Variants in ZMYM4 observed in about 807,000 individuals in gnomAD.
The protein encoded by ZMYM4 is zinc finger MYM-type protein 4.
Under a neutral mutation model 183.2 loss-of-function variants are expected in ZMYM4, and 31 were observed. The ratio of observed to expected loss-of-function variants is 0.17; its 90% CI spans 0.13 to 0.23. The LOEUF (loss-of-function observed/expected upper bound fraction) is 0.23, where lower values mean the gene tolerates loss of function less well. ZMYM4 is among the 10% of genes least tolerant of loss of function. The pLI is 1.00. For synonymous variants in ZMYM4, 592 were observed against 631.2 expected (o/e 0.94, Z 0.93); for missense variants, 1,273 against 1,840.3 (o/e 0.69, Z 5.64).
At chr1:35,358,891 T>C in intron 2 of ZMYM4, 34 bp from the exon 3 acceptor site, 1 of 1,571,274 alleles carries the variant, frequency 6.4e-7, no homozygotes, top group Non-Finnish European at 8.7e-7. Context: ...TCTTTAGCAC[T>C]ATCATTTGTC....
intron 5 of ZMYM4, among the ~76,000 whole-genome samples, chr1:35,366,596 T>C (rs1644085764): frequency 4.6e-5 from 7 of 152,154 alleles, no homozygotes; most frequent in Admixed American, 4.6e-4. Flanking sequence ...TTAGATGATA[T>C]AATGAAAAAG....
Position 35,389,907 on chromosome 1 carries a change from A to ATAATTTGTTTCTTACTCCTTGACTT in ZMYM4, c.2437-17_2437-16insTTAATTTGTTTCTTACTCCTTGACT. 6.3e-7 allele frequency: 1 copy of ATAATTTGTTTCTTACTCCTTGACTT among 1,577,096 alleles called. No individual in the cohort carries two copies. Among genetic ancestry groups the ATAATTTGTTTCTTACTCCTTGACTT allele is most frequent in the East Asian group, 2.3e-5 (1 of 44,256 alleles). ...TTATTTTTATTTTGTCAGACCACAG[A>ATAATTTGTTTCTTACTCCTTGACTT]TAATTTGTTTCTTACTCCTTGACTA... On this transcript the variant is annotated intron_variant, in intron 14 of 29. Coordinates refer to ENST00000314607, the MANE Select transcript of ZMYM4 (RefSeq NM_005095.3). This position sits in a 1 kb window ranked among gnomAD's most constrained non-coding sequence, Gnocchi z 4.0.
intron 2 of ZMYM4, among the ~76,000 whole-genome samples, chr1:35,332,738 C>A (rs1642808360): frequency 6.6e-6 from 1 of 151,960 alleles, no homozygotes; most frequent in Non-Finnish European, 1.5e-5. Flanking sequence ...ATCCTGTCAC[C>A]CAGGCTGTAG....
chr1:35,387,824 A>G (rs142344024), intron 13 of ZMYM4, among the ~76,000 whole-genome samples: 1 of 152,374 alleles, frequency 6.6e-6, no homozygotes, highest in Non-Finnish European at 1.5e-5. Flanking sequence ...AGTATAATGC[A>G]GAAGAAGATG....
chr1:35,353,360 G>A (rs930205571), intron 2 of ZMYM4, among the ~76,000 whole-genome samples: 26 of 152,258 alleles, frequency 1.7e-4, no homozygotes, highest in African/African-American at 6.0e-4. Flanking sequence ...TATGATCCTT[G>A]TAAAACATAA....
At position 35,359,331 on chromosome 1, in the gene ZMYM4, G is replaced by T. The variant is rs536720693; in HGVS notation, c.492G>T (p.Glu164Asp). 2 of 1,610,970 alleles carry T rather than the reference G, an allele frequency of 1.2e-6. No homozygotes were observed. Among genetic ancestry groups the T allele is most frequent in the Admixed American group, 3.4e-5 (2 of 59,456 alleles). Residue 164 changes from glutamate (E) to aspartate (D), a missense_variant, in exon 3 of 30, where the codon GAG (glutamate) becomes GAT (aspartate). Transcript: ENST00000314607. Reference protein sequence around the residue: ...DFSLVRENSKETFSGKEKNRD... With the variant: ...DFSLVRENSKDTFSGKEKNRD... ...GTCTAGTAAGAGAAAACAGCAAAGA[G>T]ACATTTTCTGGAAAGGAGAAAAATA...
chr1:35,298,114 C>G (rs1641106035), intron 1 of ZMYM4, among the ~76,000 whole-genome samples: 1 of 152,176 alleles, frequency 6.6e-6, no homozygotes, highest in Non-Finnish European at 1.5e-5. Context: ...AGATTCAGAT[C>G]TTGTTGGAGA....
intron 2 of ZMYM4, among the ~76,000 whole-genome samples, chr1:35,335,298 GCGAT>G (rs1642925452): frequency 6.6e-6 from 1 of 151,140 alleles, no homozygotes; most frequent in African/African-American, 2.4e-5. Context: ...GTGCAGTGAC[GCGAT>G]CTCGGCTCAC....
chr1:35,388,358 C>G (rs1644626970), intron 13 of ZMYM4, among the ~76,000 whole-genome samples: 1 of 152,134 alleles, frequency 6.6e-6, no homozygotes, highest in African/African-American at 2.4e-5. Context: ...GCACCCGCCA[C>G]CACACCTGGC....
chr1:35,349,693 G>C (rs1643526630), intron 2 of ZMYM4, among the ~76,000 whole-genome samples: 1 of 151,730 alleles, frequency 6.6e-6, no homozygotes, highest in Non-Finnish European at 1.5e-5. Context: ...AGCCAGGCGT[G>C]GTGGTGGGCA....
At chr1:35,408,462 G>T (rs967711587) in intron 26 of ZMYM4, among the ~76,000 whole-genome samples, 7 of 152,160 alleles carry the variant, frequency 4.6e-5, no homozygotes, top group Non-Finnish European at 8.8e-5. Context: ...GCAGGGCCAG[G>T]TGTGGTGGCT....
intron 1 of ZMYM4, among the ~76,000 whole-genome samples, chr1:35,311,249 GTC>G (rs1557973815): frequency 2.0e-5 from 3 of 151,790 alleles, no homozygotes; most frequent in African/African-American, 7.3e-5. Flanking sequence ...GTGAAACCCC[GTC>G]TCTACTAAAA....
rs1570444912 is a variant in ZMYM4 at position 35,365,209 on chromosome 1, A to T, written c.840+3420A>T. 2.6e-5 allele frequency among the ~76,000 whole-genome samples: 4 copies of T among 151,096 alleles called. No individual in the cohort carries two copies. In the South Asian group the frequency reaches 8.5e-4, roughly 32 times the overall value. On this transcript the variant is annotated intron_variant, in intron 5 of 29. Transcript: ENST00000314607. ...AGTTACTCAAGCCCTCATGGCCAGG[A>T]AGGAGCCAATCTGGGGTCATAATCA...
intron 1 of ZMYM4, among the ~76,000 whole-genome samples, chr1:35,308,157 A>G (rs1304936464): frequency 6.6e-6 from 1 of 151,918 alleles, no homozygotes; most frequent in Non-Finnish European, 1.5e-5. Context: ...ACACCTGGCT[A>G]ATTTTTGTAT....
At chr1:35,378,661 C>T (rs1361208014) in intron 7 of ZMYM4, among the ~76,000 whole-genome samples, 1 of 152,184 alleles carries the variant, frequency 6.6e-6, no homozygotes, top group Admixed American at 6.5e-5. Flanking sequence ...ATGTTAGCCC[C>T]TAACAAGTCA....
intron 29 of ZMYM4, 42 bp from the exon 30 acceptor site, chr1:35,419,427 TC>T (rs1283761964): frequency 6.3e-7 from 1 of 1,595,106 alleles, no homozygotes; most frequent in Non-Finnish European, 8.6e-7. Flanking sequence ...CTCTCTGATT[TC>T]TAATTTTCTT....
At chr1:35,382,206 A>G (rs935066108) in intron 9 of ZMYM4, among the ~76,000 whole-genome samples, 1 of 150,318 alleles carries the variant, frequency 6.7e-6, no homozygotes, top group African/African-American at 2.4e-5. Flanking sequence ...ACACACACAC[A>G]CACACACGTA....
rs1644646195 is a variant in ZMYM4, at chr1:35,389,179, A to C, written c.2436+97A>C. 1 of 1,252,520 alleles carries C rather than the reference A, an allele frequency of 8.0e-7. No individual in the cohort carries two copies. Among genetic ancestry groups the C allele is most frequent in the Non-Finnish European group, 1.1e-6 (1 of 916,868 alleles). 77.6% of individuals were successfully genotyped at this position (1,252,520 alleles called of 1,614,324 possible). ...CATAAAGGACAATTTAATTATTTAA[A>C]ACTTTTAAGTATTAAATGTTTTATG... On this transcript the variant is annotated intron_variant, in intron 14 of 29. Transcript: ENST00000314607. This position sits in a 1 kb window ranked among gnomAD's most constrained non-coding sequence, Gnocchi z 4.0.
At chr1:35,343,997 TG>T (rs1303315256) in intron 2 of ZMYM4, among the ~76,000 whole-genome samples, 4 of 152,068 alleles carry the variant, frequency 2.6e-5, no homozygotes, top group Non-Finnish European at 5.9e-5. Context: ...TAGATTAATT[TG>T]GGGGAAAATT....
Sources: allele counts gnomAD v4.1 joint callset (sites outside exome capture counted in the v4.1 genomes callset), GRCh38; gene constraint gnomAD v4.1.1; non-coding constraint Gnocchi (gnomAD v3.1); transcripts MANE v1.5; gene names NCBI Gene and HGNC (gene_info 2026-07-23, HGNC 2026-07-21).